Variants in KIF20A observed in about 807,000 individuals in gnomAD.
KIF20A encodes the protein kinesin-like protein KIF20A.
KIF20A carries 66 observed loss-of-function variants against 113.0 expected under a neutral mutation model. The observed-to-expected ratio is 0.58, with a 90% CI of 0.48 to 0.72. The LOEUF (loss-of-function observed/expected upper bound fraction) is 0.72, where lower values mean the gene tolerates loss of function less well. Ranked by LOEUF, KIF20A falls within the 30% of genes least tolerant of loss-of-function variation. KIF20A has a pLI of 0.00. For missense variants in KIF20A, 927 were observed against 1,077.6 expected (o/e 0.86, Z 1.96); for synonymous variants, 376 against 402.3 (o/e 0.93, Z 0.78).
Position 138,182,955 on chromosome 5 carries a change from C to T in KIF20A, c.797C>T (p.Ser266Phe). The T allele has an allele frequency of 6.2e-7, 1 of 1,614,198 alleles. No individual in the cohort carries two copies. Among genetic ancestry groups the T allele is most frequent in the Middle Eastern group, 1.7e-4 (1 of 6,058 alleles). Residue 266 changes from serine to phenylalanine, a missense_variant, in exon 7 of 19, where the codon TCT (serine) becomes TTT (phenylalanine). Coordinates refer to ENST00000394894, the MANE Select transcript of KIF20A (RefSeq NM_005733.3). The stretch of plus-strand genomic sequence containing the variant: ...GACAGTGGCATTGCTGGGCTCTCTT[C>T]TATCAGTCAGTGTACCAGCAGTAGC... ...SFDSGIAGLSSISQCTSSSQL... is the reference protein window; with the variant it reads ...SFDSGIAGLSFISQCTSSSQL...
In KIF20A at chr5:138,184,787, G is replaced by A; in HGVS notation, c.1684-20G>A. ...AGGGCATGAGCATCTGATGACCTCTGACATGTGTGTCTCTCCTAGGAGCTC... is the reference window on the plus strand; with the variant it reads ...AGGGCATGAGCATCTGATGACCTCTAACATGTGTGTCTCTCCTAGGAGCTC... On this transcript the variant is annotated intron_variant, in intron 13 of 18. Coordinates refer to ENST00000394894, the MANE Select transcript of KIF20A (RefSeq NM_005733.3). 1 of 1,613,868 alleles carries A rather than the reference G, an allele frequency of 6.2e-7. No individual in the cohort carries two copies. Among genetic ancestry groups the A allele is most frequent in the East Asian group, 2.2e-5 (1 of 44,888 alleles).
Position 138,183,884 on chromosome 5 carries a change from CCT to C in KIF20A, c.1209-74_1209-73del. On this transcript the variant is annotated intron_variant, in intron 10 of 18. Transcript: ENST00000394894. This position sits in a 1 kb window ranked among gnomAD's most constrained non-coding sequence, Gnocchi z 5.2. The stretch of plus-strand genomic sequence containing the variant: ...TACAGAGATTCTTAGTGGGCCGTCC[CCT>C]CTCCAGAATTATACAAAGGGCCAGA... 3 of 1,598,676 alleles carry C rather than the reference CCT, an allele frequency of 1.9e-6. No individual in the cohort carries two copies. The highest frequency in any genetic ancestry group is 1.7e-5 in the Admixed American group (1 of 59,206).
In KIF20A at chr5:138,185,560, AGAC is replaced by A; in HGVS notation, c.1976_1978del (p.Arg659_Gln660delinsLys). ...GCTAGAAGCTCTCTTGCAGGAAGCC[AGAC>A]AACAGTCAGTGGCCCATCAGCAATC... On this transcript the variant is annotated inframe_deletion, in exon 16 of 19. Transcript: ENST00000394894. 6.2e-7 allele frequency: 1 copy of A among 1,614,084 alleles called. No homozygotes were observed. Among genetic ancestry groups the A allele is most frequent in the Non-Finnish European group, 8.5e-7 (1 of 1,180,030 alleles).
rs1281746313 is a variant in KIF20A, at chr5:138,184,060, C to T, written c.1307C>T (p.Thr436Ile). ...GGAAACATTAACACCTCTCTACACACCCTGGGCCGCTGTATTGCTGCCCTT... is the reference window on the plus strand; with the variant it reads ...GGAAACATTAACACCTCTCTACACATCCTGGGCCGCTGTATTGCTGCCCTT... ...EAGNINTSLH[T>I]LGRCIAALRQ... Residue 436 changes from threonine (T) to isoleucine (I), a missense_variant, in exon 11 of 19, where the codon ACC (threonine) becomes ATC (isoleucine). Thr to Ile is a moderately conservative substitution (Grantham distance 89). Transcript: ENST00000394894. 6.2e-7 allele frequency: 1 copy of T among 1,614,046 alleles called. No individual in the cohort carries two copies.
Position 138,183,997 on chromosome 5 carries a change from G to A in KIF20A, c.1244G>A (p.Cys415Tyr). Residue 415 changes from cysteine to tyrosine, a missense_variant, in exon 11 of 19, where the codon TGC becomes TAC. Transcript: ENST00000394894. The surrounding 1 kb of genome is among the most constrained non-coding windows in gnomAD (Gnocchi z 5.2). ...TGTGATCTGGCTGGCTCAGAGCGCT[G>A]CAAAGATCAGAAGAGTGGTGAACGG... ...SLCDLAGSER[C>Y]KDQKSGERLK... The A allele has an allele frequency of 1.2e-6, 2 of 1,614,154 alleles. No homozygotes were observed. The highest frequency in any genetic ancestry group is 1.3e-5 in the African/African-American group (1 of 75,038).
chr5:138,181,191 C>T (rs377167566), intron 2 of KIF20A, among the ~76,000 whole-genome samples: 27 of 152,322 alleles, frequency 1.8e-4, no homozygotes, highest in African/African-American at 6.0e-4. Context: ...CTCAGATCAT[C>T]GGTGTGGCAA....
rs1418986998 is a variant in KIF20A, at chr5:138,182,424, T to C, written c.477T>C (p.Tyr159=). ...GGCAGAACTGGCTCATCTATACATA[T>C]GGAGTCACTAACTCAGGGAAAACCC... The part of the protein sequence containing the change: ...LKGQNWLIYT[Y]GVTNSGKTHT... Residue 159 remains tyrosine, a synonymous_variant, in exon 5 of 19, where the codon TAT becomes TAC. Coordinates refer to ENST00000394894, the MANE Select transcript of KIF20A (RefSeq NM_005733.3). 2 of 1,614,198 alleles carry C rather than the reference T, an allele frequency of 1.2e-6. No homozygotes were observed. The highest frequency in any genetic ancestry group is 1.1e-5 in the South Asian group (1 of 91,086).
chr5:138,179,334 G>A, intron 1 of KIF20A, 132 bp downstream of exon 1: 1 of 289,804 alleles, frequency 3.5e-6, no homozygotes, highest in South Asian at 3.6e-5. Context: ...GGTCCTTGGG[G>A]TGAGGTTAGA....
chr5:138,182,746 G>A lies in KIF20A; in HGVS notation c.675G>A (p.Leu225=). 6.2e-7 allele frequency: 1 copy of A among 1,613,868 alleles called. No individual in the cohort carries two copies. The part of the protein sequence containing the change: ...KQIRQEEMKK[L]SLLNGGLQEE... ...TCCGACAGGAGGAAATGAAGAAGCT[G>A]TCCCTGCTAAATGGAGGCCTCCAAG... Residue 225 remains leucine (L), a synonymous_variant, in exon 6 of 19, where the codon CTG becomes CTA. Coordinates refer to ENST00000394894, the MANE Select transcript of KIF20A (RefSeq NM_005733.3).
In KIF20A at chr5:138,186,315, G is replaced by A. The variant is rs1198604545; in HGVS notation, c.2239G>A (p.Glu747Lys). ...TCAGAATATAAGGCTGTTGCGGACA[G>A]AGCTTCAGAAACTTGGTGAGTCTCT... is the stretch of plus-strand genomic sequence containing the variant. ...GQKNIRLLRT[E>K]LQKLGESLQS... The change falls in exon 18 of 19, where the codon GAG becomes AAG. Residue 747 changes from glutamate (E) to lysine (K), a missense_variant. Physicochemically the swap from Glu to Lys is moderately conservative, Grantham distance 56. Transcript: ENST00000394894. 2 of 1,597,798 alleles carry A rather than the reference G, an allele frequency of 1.3e-6. No individual in the cohort carries two copies. Among genetic ancestry groups the A allele is most frequent in the Non-Finnish European group, 1.7e-6 (2 of 1,176,432 alleles).
chr5:138,186,044 G>A lies in KIF20A; in HGVS notation c.2209G>A (p.Gly737Ser). 1.2e-6 allele frequency: 2 copies of A among 1,613,602 alleles called. No homozygotes were observed. Among genetic ancestry groups the A allele is most frequent in the Non-Finnish European group, 1.7e-6 (2 of 1,179,744 alleles). ...TIDVDKKLEE[G>S]QKNIRLLRTE... is the part of the protein sequence containing the mutation. ...TGATGTGGACAAGAAGTTAGAAGAG[G>A]GCCAGAAGGTAATTACCACCATTCT... is the stretch of plus-strand genomic sequence containing the variant. Residue 737 changes from glycine (G) to serine (S), a missense_variant, in exon 17 of 19, where the codon GGC becomes AGC. Coordinates refer to ENST00000394894, the MANE Select transcript of KIF20A (RefSeq NM_005733.3).
rs1211301751 is a variant in KIF20A, at chr5:138,184,251, C to CCT, written c.1366_1367dup (p.Val457TrpfsTer9). On this transcript the variant is annotated frameshift_variant, in exon 12 of 19. Transcript: ENST00000394894. LOFTEE classifies it high-confidence loss of function. ...GATTCTCTGCCAGGTCAAAGCAGAACCTGGTTCCCTTCCGTGACAGCAAGT... is the reference window on the plus strand; with the variant it reads ...GATTCTCTGCCAGGTCAAAGCAGAACCTCTGGTTCCCTTCCGTGACAGCAAGT... The CCT allele has an allele frequency of 6.2e-7, 1 of 1,614,000 alleles. No individual in the cohort carries two copies. The highest frequency in any genetic ancestry group is 8.5e-7 in the Non-Finnish European group (1 of 1,180,000).
At position 138,183,709 on chromosome 5, in the gene KIF20A, G is replaced by C; in HGVS notation, c.1161G>C (p.Arg387Ser). The change falls in exon 10 of 19, where the codon AGG (arginine) becomes AGC (serine). Residue 387 changes from arginine (R) to serine (S), a missense_variant. Arg to Ser is a moderately radical substitution (Grantham distance 110). Coordinates refer to ENST00000394894, the MANE Select transcript of KIF20A (RefSeq NM_005733.3). The surrounding 1 kb of genome is among the most constrained non-coding windows in gnomAD (Gnocchi z 5.2). Reference protein sequence around the residue: ...SSRSHSIFSIRILHLQGEGDI... With the variant: ...SSRSHSIFSISILHLQGEGDI... ...CCAGTCACAGCATCTTCTCAATCAG[G>C]ATCCTACACCTTCAGGGGGAAGGAG... 6.2e-7 allele frequency: 1 copy of C among 1,613,864 alleles called. No homozygotes were observed. Among genetic ancestry groups the C allele is most frequent in the Non-Finnish European group, 8.5e-7 (1 of 1,179,924 alleles).
chr5:138,182,546 G>GA (rs1561628948), intron 5 of KIF20A, 40 bp from the exon 6 acceptor site: 1 of 1,613,094 alleles, frequency 6.2e-7, no homozygotes, highest in Admixed American at 1.7e-5. Flanking sequence ...AGGGGGAGAA[G>GA]GGCACTTGCC....
intron 2 of KIF20A, among the ~76,000 whole-genome samples, chr5:138,181,217 T>C (rs1348076677): frequency 6.6e-6 from 1 of 152,240 alleles, no homozygotes; most frequent in Non-Finnish European, 1.5e-5. Context: ...ATTTGCAGGA[T>C]AATGACGAGA....
intron 2 of KIF20A, among the ~76,000 whole-genome samples, chr5:138,180,119 T>G (rs1754626854): frequency 6.6e-6 from 1 of 152,256 alleles, no homozygotes; most frequent in African/African-American, 2.4e-5. Flanking sequence ...TTAGTTAATC[T>G]TTCAGGGAAT....
chr5:138,184,449 A>T (rs776198624), intron 12 of KIF20A, 45 bp downstream of exon 12: 2 of 1,612,004 alleles, frequency 1.2e-6, no homozygotes, highest in Admixed American at 1.7e-5. Flanking sequence ...TGGAACTGGT[A>T]ACTCTAAGAA....
At chr5:138,184,989 A>C in intron 14 of KIF20A, 43 bp downstream of exon 14, 5 of 1,609,394 alleles carry the variant, frequency 3.1e-6, no homozygotes, top group Non-Finnish European at 4.2e-6. Context: ...CCTGAGACAG[A>C]GGGTGGGAAG....
At chr5:138,185,850 C>T (rs1754735219) in intron 16 of KIF20A, 111 bp from the exon 17 acceptor site, 1 of 1,295,490 alleles carries the variant, frequency 7.7e-7, no homozygotes, top group Non-Finnish European at 1.1e-6. Context: ...CTAGGATACA[C>T]ATAGCCTCAC....
Sources: allele counts gnomAD v4.1 joint callset (sites outside exome capture counted in the v4.1 genomes callset), GRCh38; gene constraint gnomAD v4.1.1; non-coding constraint Gnocchi (gnomAD v3.1); transcripts MANE v1.5; gene names NCBI Gene and HGNC (gene_info 2026-07-23, HGNC 2026-07-21).